Variants in SP4 observed in about 807,000 individuals in gnomAD.
The protein encoded by SP4 is Sp4 transcription factor.
In SP4, 19 loss-of-function variants were observed where a neutral mutation model predicts 72.8. That is an observed-to-expected ratio of 0.26 (90% CI 0.18 to 0.38). The LOEUF (loss-of-function observed/expected upper bound fraction) is 0.38. Ranked by LOEUF, SP4 falls within the 10% of genes least tolerant of loss-of-function variation. The pLI is 1.00. For missense variants in SP4, 1,008 were observed against 926.3 expected (o/e 1.09, Z -1.14); for synonymous variants, 395 against 333.1 (o/e 1.19, Z -2.02).
At chr7:21,476,236 T>C (rs895551820) in intron 3 of SP4, among the ~76,000 whole-genome samples, 3 of 128,112 alleles carry the variant, frequency 2.3e-5, no homozygotes, top group East Asian at 2.6e-4. Flanking sequence ...ATCGTGCTAC[T>C]GCACTCCAGC....
At chr7:21,459,329 C>T (rs899550972) in intron 3 of SP4, among the ~76,000 whole-genome samples, 1 of 152,160 alleles carries the variant, frequency 6.6e-6, no homozygotes, top group African/African-American at 2.4e-5. Flanking sequence ...CTGTGTTAGC[C>T]AGGCTGGTAT....
At chr7:21,442,016 G>GTA (rs1169894974) in intron 3 of SP4, among the ~76,000 whole-genome samples, 1 of 62,872 alleles carries the variant, frequency 1.6e-5, no homozygotes, top group East Asian at 2.5e-4. Flanking sequence ...TTGTGTGTGT[G>GTA]TGTGTGTGTG....
rs188177377 is a variant in SP4, at chr7:21,498,814, G to A, written c.2108-12208G>A. Among the ~76,000 whole-genome samples the A allele has an allele frequency of 7.4e-4, 113 of 152,210 alleles. 1 individual carries two copies. The highest frequency in any genetic ancestry group is 4.4e-4 in the Non-Finnish European group (30 of 68,010). ...GAAAAGAAATCGTTAGGCCGGGTGC[G>A]GTGGCTCACGCCTGTAATCCCAGCA... On this transcript the variant is annotated intron_variant, in intron 5 of 5. Coordinates refer to ENST00000222584, the MANE Select transcript of SP4 (RefSeq NM_003112.5).
intron 3 of SP4, among the ~76,000 whole-genome samples, chr7:21,437,158 C>G (rs1021244321): frequency 2.0e-5 from 3 of 152,144 alleles, no homozygotes; most frequent in Admixed American, 6.5e-5. Context: ...TTAAAACATT[C>G]TTAACTTCAG....
Position 21,450,358 on chromosome 7 carries a change from T to G in SP4, c.1678+19515T>G, listed in dbSNP as rs79871081. ...GTGGATTTTTTAAAGTGATTTTTGT[T>G]TTTTTAATTTTAGGGGGCTTTTTTG... On this transcript the variant is annotated intron_variant, in intron 3 of 5. Transcript: ENST00000222584. 3.9e-3 allele frequency among the ~76,000 whole-genome samples: 595 copies of G among 152,330 alleles called. 4 individuals are homozygous for G. Among genetic ancestry groups the G allele is most frequent in the Middle Eastern group, 0.014 (4 of 294 alleles).
In SP4 at chr7:21,428,755, A is replaced by G; in HGVS notation, c.86A>G (p.Glu29Gly). The change falls in exon 2 of 6, where the codon GAG becomes GGG. Residue 29 changes from glutamate (E) to glycine (G), a missense_variant. By Grantham distance (98) the Glu-to-Gly change is moderately conservative. This residue lies in a region of SP4 where 893 missense variants were observed against 743.3 expected (regional missense o/e 1.20). Coordinates refer to ENST00000222584, the MANE Select transcript of SP4 (RefSeq NM_003112.5). ...GAAGGAGGGAAAACCTCTGAGCCAG[A>G]GAATAACAATAAAAAACCCAAAACC... is the stretch of plus-strand genomic sequence containing the variant. ...ATEGGKTSEPENNNKKPKTSG... is the reference protein window; with the variant it reads ...ATEGGKTSEPGNNNKKPKTSG... The G allele has an allele frequency of 6.4e-7, 1 of 1,552,430 alleles. No homozygotes were observed.
Position 21,464,420 on chromosome 7 carries a change from C to T in SP4, c.1679-12659C>T, listed in dbSNP as rs183723900. Among the ~76,000 whole-genome samples, 27 of 152,164 alleles carry T rather than the reference C, an allele frequency of 1.8e-4. 1 individual carries two copies. In the East Asian group the frequency reaches 3.5e-3, roughly 20 times the overall value. On this transcript the variant is annotated intron_variant, in intron 3 of 5. Coordinates refer to ENST00000222584, the MANE Select transcript of SP4 (RefSeq NM_003112.5). The stretch of plus-strand genomic sequence containing the variant: ...CAGTCAGGGCTCTCTTTCAGAGCCT[C>T]GTGATCTGGAAGGTAAAATAGCTTC...
chr7:21,430,695 T>A lies in SP4; in HGVS notation c.1530T>A (p.Ile510=), dbSNP rs1314824275. 1.2e-6 allele frequency: 2 copies of A among 1,614,120 alleles called. No homozygotes were observed. The highest frequency in any genetic ancestry group is 1.7e-6 in the Non-Finnish European group (2 of 1,180,052). The part of the protein sequence containing the change: ...SSSGGTTLAQ[I]APVAVAGAPI... ...GTGGTGGCACAACTCTTGCTCAGAT[T>A]GCTCCTGTGGCTGTTGCTGGTGCCC... The change falls in exon 3 of 6, where the codon ATT becomes ATA. Residue 510 remains isoleucine (I), a synonymous_variant. Coordinates refer to ENST00000222584, the MANE Select transcript of SP4 (RefSeq NM_003112.5).
intron 3 of SP4, among the ~76,000 whole-genome samples, chr7:21,460,660 T>C (rs970422689): frequency 1.3e-5 from 2 of 152,230 alleles, no homozygotes; most frequent in African/African-American, 2.4e-5. Context: ...TGGTCTGTTT[T>C]ACAGAGCGCT....
chr7:21,442,057 GAA>G (rs1783275385), intron 3 of SP4, among the ~76,000 whole-genome samples: 1 of 61,902 alleles, frequency 1.6e-5, no homozygotes, highest in South Asian at 5.0e-4. Flanking sequence ...TTTTTTTTTT[GAA>G]ACGGAGTCTT....
chr7:21,430,370 C>A lies in SP4; in HGVS notation c.1205C>A (p.Pro402His). 1 of 1,614,190 alleles carries A rather than the reference C, an allele frequency of 6.2e-7. No individual in the cohort carries two copies. The highest frequency in any genetic ancestry group is 8.5e-7 in the Non-Finnish European group (1 of 1,180,028). Reference sequence around the variant, plus strand: ...CAGCAGGTGCAAATTGTAGGCCAACCTATCTTACAGCAGATCCAGATCCAA... The same window carrying A: ...CAGCAGGTGCAAATTGTAGGCCAACATATCTTACAGCAGATCCAGATCCAA... Reference protein sequence around the residue: ...SLQQVQIVGQPILQQIQIQQP... With the variant: ...SLQQVQIVGQHILQQIQIQQP... Residue 402 changes from proline (P) to histidine (H), a missense_variant, in exon 3 of 6, where the codon CCT becomes CAT. Pro to His is a moderately conservative substitution (Grantham distance 77). Transcript: ENST00000222584.
intron 3 of SP4, among the ~76,000 whole-genome samples, chr7:21,435,690 T>C (rs1308354584): frequency 1.3e-5 from 2 of 152,202 alleles, no homozygotes; most frequent in East Asian, 1.9e-4. Context: ...TAATACTGTT[T>C]GTTATAGATT....
intron 3 of SP4, among the ~76,000 whole-genome samples, chr7:21,440,235 A>G (rs1783197588): frequency 7.2e-5 from 11 of 152,072 alleles, no homozygotes; most frequent in Admixed American, 7.2e-4. Flanking sequence ...TTTGCAAAAT[A>G]GTGATATTAG....
At position 21,454,682 on chromosome 7, in the gene SP4, G is replaced by C. The variant is rs959286025; in HGVS notation, c.1679-22397G>C. Among the ~76,000 whole-genome samples, 19 of 152,270 alleles carry C rather than the reference G, an allele frequency of 1.2e-4. 1 individual carries two copies. The highest frequency in any genetic ancestry group is 1.1e-3 in the Admixed American group (17 of 15,294). On this transcript the variant is annotated intron_variant, in intron 3 of 5. Transcript: ENST00000222584. Reference sequence around the variant, plus strand: ...CCACCCTCAAAAGACTGCTTGGTTAGATTTTTACTAAGGCTTTTCCCAATA... The same window carrying C: ...CCACCCTCAAAAGACTGCTTGGTTACATTTTTACTAAGGCTTTTCCCAATA...
At chr7:21,467,387 A>G (rs1013491763) in intron 3 of SP4, among the ~76,000 whole-genome samples, 5 of 152,186 alleles carry the variant, frequency 3.3e-5, no homozygotes, top group East Asian at 1.9e-4. Flanking sequence ...ATATTATACA[A>G]CAACTTCAAG....
intron 3 of SP4, among the ~76,000 whole-genome samples, chr7:21,456,559 T>G (rs1386652895): frequency 6.6e-6 from 1 of 152,138 alleles, no homozygotes; most frequent in Non-Finnish European, 1.5e-5. Context: ...GAGTGTGTGT[T>G]TAAGAAGTCA....
chr7:21,435,468 T>C (rs76968033), intron 3 of SP4, among the ~76,000 whole-genome samples: 6,459 of 152,270 alleles, frequency 0.042, 440 homozygotes, highest in African/African-American at 0.15. Flanking sequence ...ATTAACTTCT[T>C]ACACTGATCT....
At position 21,513,523 on chromosome 7, in the gene SP4, A is replaced by G. The variant is rs1782198730; in HGVS notation, c.*2254A>G. On this transcript the variant is annotated 3_prime_UTR_variant, in exon 6 of 6. Coordinates refer to ENST00000222584, the MANE Select transcript of SP4 (RefSeq NM_003112.5). ...AGTGTTCATTTTAATTTTATTATATAGGAGCTGAAACATCAAATATATATT... is the reference window on the plus strand; with the variant it reads ...AGTGTTCATTTTAATTTTATTATATGGGAGCTGAAACATCAAATATATATT... 6.6e-6 allele frequency: 1 copy of G among 151,958 alleles called. No individual in the cohort carries two copies. The highest frequency in any genetic ancestry group is 6.6e-5 in the Admixed American group (1 of 15,264). 9.4% of individuals were successfully genotyped at this position (151,958 alleles called of 1,614,324 possible). A position where few individuals can be genotyped will look rare whatever the true frequency, so the allele number is the denominator to read the frequency against.
intron 3 of SP4, among the ~76,000 whole-genome samples, chr7:21,434,646 G>A (rs11981562): frequency 0.01 from 1,586 of 152,048 alleles, 31 homozygotes; most frequent in African/African-American, 0.036. Context: ...GTACAAGTGC[G>A]GTTGTGTTAC....
Sources: gnomAD v4.1 joint callset for allele counts (sites outside exome capture counted in the v4.1 genomes callset) on GRCh38, gnomAD v4.1.1 for gene constraint, gnomAD v4.1.1 regional missense constraint, MANE v1.5 for transcripts, NCBI Gene and HGNC (gene_info 2026-07-23, HGNC 2026-07-21) for gene names.